SPINK5: variants seen among roughly 807,000 people sequenced by gnomAD.
SPINK5 encodes the protein serine protease inhibitor Kazal-type 5.
Under a neutral mutation model 151.8 loss-of-function variants are expected in SPINK5, and 125 were observed. The observed-to-expected ratio is 0.82, with a 90% CI of 0.71 to 0.96. The LOEUF is 0.96. Ranked by LOEUF, SPINK5 falls within the 40% of genes least tolerant of loss-of-function variation. The probability of loss-of-function intolerance (pLI) is 0.00; values close to 1 mark genes in which losing one functional copy is unlikely to be tolerated. For missense variants in SPINK5, 1,194 were observed against 1,291.9 expected (o/e 0.92, Z 1.16); for synonymous variants, 374 against 395.3 (o/e 0.95, Z 0.64).
intron 15 of SPINK5, among the ~76,000 whole-genome samples, chr5:148,104,017 G>A (rs1378913126): frequency 1.3e-5 from 2 of 152,016 alleles, no homozygotes; most frequent in African/African-American, 4.8e-5. Context: ...TCCATCATAT[G>A]CCTAGTTTTG....
rs72831109 is a variant in SPINK5, at chr5:148,124,933, T to C, written c.2739+96T>C. The C allele has an allele frequency of 5.7e-3, 7,597 of 1,321,770 alleles. 30 individuals carry two copies. Among genetic ancestry groups the C allele is most frequent in the Non-Finnish European group, 6.2e-3 (6,350 of 1,026,056 alleles). 81.9% of individuals were successfully genotyped at this position (1,321,770 alleles called of 1,614,324 possible). A position where few individuals can be genotyped will look rare whatever the true frequency, so the allele number is the denominator to read the frequency against. On this transcript the variant is annotated intron_variant, in intron 28 of 32. Transcript: ENST00000256084. ...TTTGGGAATAATAAATATATTAATA[T>C]CTTAACTTCAAAGAAAATTGATTTT...
chr5:148,096,334 C>T (rs1176153001), intron 10 of SPINK5, among the ~76,000 whole-genome samples: 2 of 151,924 alleles, frequency 1.3e-5, no homozygotes, highest in Non-Finnish European at 2.9e-5. Flanking sequence ...TAACTAGTCA[C>T]CTGTCTGTTT....
At chr5:148,071,674 T>TTG (rs202117831) in intron 3 of SPINK5, among the ~76,000 whole-genome samples, 4,537 of 69,892 alleles carry the variant, frequency 0.065, 110 homozygotes, top group South Asian at 0.24. Context: ...TAGAATAAAA[T>TTG]TTTTTTTTTT....
chr5:148,131,986 T>C (rs964205077), intron 31 of SPINK5, among the ~76,000 whole-genome samples: 5 of 152,198 alleles, frequency 3.3e-5, no homozygotes, highest in South Asian at 2.1e-4. Flanking sequence ...ACTCCCTTCA[T>C]TGGAGAAATG....
rs754599628 is a variant in SPINK5 at position 148,111,948 on chromosome 5, G to A, written c.1820+53G>A. On this transcript the variant is annotated intron_variant, in intron 19 of 32. Transcript: ENST00000256084. Reference sequence around the variant, plus strand: ...CTGAGTGTGGGAGAAGATCAGCATCGGGTGGGCAAGAGGGGTGACATTGGA... The same window carrying A: ...CTGAGTGTGGGAGAAGATCAGCATCAGGTGGGCAAGAGGGGTGACATTGGA... The A allele has an allele frequency of 2.9e-5, 47 of 1,613,174 alleles. No individual in the cohort carries two copies. The highest frequency in any genetic ancestry group is 3.7e-5 in the Non-Finnish European group (44 of 1,179,564).
At chr5:148,072,812 A>AT (rs1037550418) in intron 4 of SPINK5, among the ~76,000 whole-genome samples, 3 of 150,618 alleles carry the variant, frequency 2.0e-5, no homozygotes, top group African/African-American at 7.3e-5. Flanking sequence ...GTTTATATCT[A>AT]TTTTGCAGAC....
intron 30 of SPINK5, among the ~76,000 whole-genome samples, chr5:148,130,246 TC>T: frequency 6.6e-6 from 1 of 152,110 alleles, no homozygotes; most frequent in South Asian, 2.1e-4. Flanking sequence ...GGTTGTATTT[TC>T]TTTGTGATTC....
chr5:148,096,839 G>A (rs929751936), intron 10 of SPINK5, among the ~76,000 whole-genome samples: 3 of 147,222 alleles, frequency 2.0e-5, no homozygotes, highest in South Asian at 2.1e-4. Flanking sequence ...GCTCACTGCA[G>A]CCTTGACTTC....
At chr5:148,081,525 A>G (rs1181957271) in intron 4 of SPINK5, among the ~76,000 whole-genome samples, 1 of 151,734 alleles carries the variant, frequency 6.6e-6, no homozygotes, top group Non-Finnish European at 1.5e-5. Flanking sequence ...AAACAATTAC[A>G]TATTTATAAT....
rs761739556 is a variant in SPINK5, at chr5:148,137,187, G to T, written c.*196G>T. The T allele has an allele frequency of 1.4e-6, 1 of 690,998 alleles. No homozygotes were observed. The highest frequency in any genetic ancestry group is 2.5e-6 in the Non-Finnish European group (1 of 406,102). 42.8% of individuals were successfully genotyped at this position (690,998 alleles called of 1,614,324 possible). A position where few individuals can be genotyped will look rare whatever the true frequency, so the allele number is the denominator to read the frequency against. ...TCCTCCTAGACTCTGTGATCTGAGGGTATAAAGACATCTCCACCAAGTCTG... is the reference window on the plus strand; with the variant it reads ...TCCTCCTAGACTCTGTGATCTGAGGTTATAAAGACATCTCCACCAAGTCTG... On this transcript the variant is annotated 3_prime_UTR_variant, in exon 33 of 33. Coordinates refer to ENST00000256084, the MANE Select transcript of SPINK5 (RefSeq NM_006846.4).
Position 148,120,307 on chromosome 5 carries a change from A to C in SPINK5, c.2454A>C (p.Ala818=), listed in dbSNP as rs142122542. The C allele has an allele frequency of 6.2e-7, 1 of 1,606,092 alleles. No individual in the cohort carries two copies. Among genetic ancestry groups the C allele is most frequent in the Non-Finnish European group, 8.5e-7 (1 of 1,175,426 alleles). ...TMCKEKLERE[A]AEKKKKEDED... ...GTTTTCCCCCCAGGGAAAGGGAAGC[A>C]GCTGAAAAAAAAAAGAAAGAGGATG... Residue 818 remains alanine, a synonymous_variant, in exon 26 of 33, where the codon GCA becomes GCC. Coordinates refer to ENST00000256084, the MANE Select transcript of SPINK5 (RefSeq NM_006846.4).
chr5:148,111,672 A>G, intron 18 of SPINK5, 96 bp from the exon 19 acceptor site: 1 of 1,578,166 alleles, frequency 6.3e-7, no homozygotes, highest in South Asian at 1.1e-5. Context: ...TTTCCATGCA[A>G]TCATTATGTT....
At chr5:148,131,508 A>G (rs1754573184) in intron 31 of SPINK5, 119 bp downstream of exon 31, 1 of 1,445,690 alleles carries the variant, frequency 6.9e-7, no homozygotes, top group South Asian at 1.2e-5. Context: ...TATTCATCAT[A>G]GAAGTTAAAA....
At chr5:148,083,183 C>T (rs1753065195) in intron 4 of SPINK5, among the ~76,000 whole-genome samples, 1 of 151,130 alleles carries the variant, frequency 6.6e-6, no homozygotes, top group Non-Finnish European at 1.5e-5. Context: ...CATATATTGT[C>T]CTTCTTTGTC....
chr5:148,099,395 C>A, intron 12 of SPINK5, 80 bp downstream of exon 12: 1 of 1,267,390 alleles, frequency 7.9e-7, no homozygotes, highest in Non-Finnish European at 1.1e-6. Flanking sequence ...TGAGATTTTG[C>A]CCTGCAGAAA....
chr5:148,121,143 CAAAAAAAAAAAA>C (rs767012594), intron 26 of SPINK5, among the ~76,000 whole-genome samples: 2 of 68,664 alleles, frequency 2.9e-5, no homozygotes, highest in Admixed American at 2.2e-4. Flanking sequence ...GACTCTGTCT[CAAAAAAAAAAAA>C]AAAAAAAAAA....
intron 4 of SPINK5, among the ~76,000 whole-genome samples, chr5:148,085,187 T>C (rs1308110949): frequency 1.3e-5 from 2 of 151,922 alleles, no homozygotes; most frequent in Non-Finnish European, 2.9e-5. Context: ...TAGCTTTTCT[T>C]TTCTATTTTC....
At chr5:148,107,700 C>G (rs1040191656) in intron 17 of SPINK5, among the ~76,000 whole-genome samples, 1 of 152,146 alleles carries the variant, frequency 6.6e-6, no homozygotes, top group Non-Finnish European at 1.5e-5. Flanking sequence ...CTTTAGGAAA[C>G]AGGCTCATAC....
At position 148,100,584 on chromosome 5, in the gene SPINK5, G is replaced by GA; in HGVS notation, c.1220+4dup. The GA allele has an allele frequency of 6.2e-7, 1 of 1,612,722 alleles. No homozygotes were observed. Among genetic ancestry groups the GA allele is most frequent in the Non-Finnish European group, 8.5e-7 (1 of 1,179,108 alleles). On this transcript the variant is annotated splice_donor_region_variant and intron_variant, in intron 13 of 32. Coordinates refer to ENST00000256084, the MANE Select transcript of SPINK5 (RefSeq NM_006846.4). The stretch of plus-strand genomic sequence containing the variant: ...TGCTCCATGTGTGAGGTCTTCTTGT[G>GA]AGTAGCCCTGCAGCTGGGAACATGG...
Sources: gnomAD v4.1 joint callset for allele counts (sites outside exome capture counted in the v4.1 genomes callset) on GRCh38, gnomAD v4.1.1 for gene constraint, MANE v1.5 for transcripts, NCBI Gene and HGNC (gene_info 2026-07-23, HGNC 2026-07-21) for gene names.